MYO5A: variants seen among roughly 807,000 people sequenced by gnomAD.
MYO5A encodes the protein unconventional myosin-Va.
A neutral mutation model predicts 249.7 loss-of-function variants in MYO5A; 98 were observed. The ratio of observed to expected loss-of-function variants is 0.39; its 90% CI spans 0.33 to 0.46. The LOEUF is 0.46. Among genes scored for constraint, MYO5A ranks in the 20% least tolerant of loss-of-function variants. The pLI, the probability that MYO5A is intolerant of heterozygous loss-of-function variation, is 0.98. For synonymous variants in MYO5A, 778 were observed against 810.6 expected (o/e 0.96, Z 0.68); for missense variants, 1,696 against 2,308.8 (o/e 0.73, Z 5.44).
In MYO5A at chr15:52,394,915, C is replaced by T. The variant is rs1007740495; in HGVS notation, c.1401+1401G>A. Among the ~76,000 whole-genome samples, 4 of 152,298 alleles carry T rather than the reference C, an allele frequency of 2.6e-5. No individual in the cohort carries two copies. The East Asian group carries it at 7.7e-4, about 29-fold the overall frequency. On this transcript the variant is annotated intron_variant, in intron 11 of 41. Transcript: ENST00000399233. ...AGATGCAAATCATATTAGTAGTCATCTTATTATGGAAATAGTCATAAGCCT... is the reference window on the plus strand; with the variant it reads ...AGATGCAAATCATATTAGTAGTCATTTTATTATGGAAATAGTCATAAGCCT...
intron 40 of MYO5A, among the ~76,000 whole-genome samples, chr15:52,316,099 T>C (rs541237631): frequency 6.6e-6 from 1 of 150,604 alleles, no homozygotes; most frequent in Non-Finnish European, 1.5e-5. Flanking sequence ...CCAGGCGTGG[T>C]GGCAGGTGCC....
intron 1 of MYO5A, among the ~76,000 whole-genome samples, chr15:52,458,089 C>T (rs1442306162): frequency 6.6e-6 from 1 of 152,114 alleles, no homozygotes; most frequent in Non-Finnish European, 1.5e-5. Context: ...ATTATAATTA[C>T]TAGAGGCTAG....
intron 1 of MYO5A, among the ~76,000 whole-genome samples, chr15:52,500,779 A>T (rs1188168650): frequency 6.6e-6 from 1 of 152,098 alleles, no homozygotes; most frequent in East Asian, 1.9e-4. Flanking sequence ...TCATTCAGGT[A>T]GCTTTCTCCT....
intron 21 of MYO5A, among the ~76,000 whole-genome samples, chr15:52,371,461 T>G (rs1043763015): frequency 6.6e-6 from 1 of 152,222 alleles, no homozygotes; most frequent in African/African-American, 2.4e-5. Context: ...TGAAAATAAA[T>G]GATAATTTTG....
intron 30 of MYO5A, among the ~76,000 whole-genome samples, chr15:52,343,605 T>C (rs905600207): frequency 1.1e-4 from 16 of 152,218 alleles, no homozygotes; most frequent in Non-Finnish European, 2.4e-4. Flanking sequence ...CTTCATAATA[T>C]TTTTCAAGAT....
intron 9 of MYO5A, among the ~76,000 whole-genome samples, chr15:52,401,724 T>C (rs910277127): frequency 1.3e-5 from 2 of 152,212 alleles, no homozygotes; most frequent in Non-Finnish European, 2.9e-5. Context: ...TTAGTAATGA[T>C]CTCTTGGTAT....
chr15:52,330,371 C>G lies in MYO5A; in HGVS notation c.4537G>C (p.Val1513Leu), dbSNP rs375781668. 2 of 1,614,094 alleles carry G rather than the reference C, an allele frequency of 1.2e-6. No individual in the cohort carries two copies. The highest frequency in any genetic ancestry group is 2.2e-5 in the East Asian group (1 of 44,878). The change falls in exon 35 of 42, where the codon GTT becomes CTT. Residue 1513 changes from valine (V) to leucine (L), a missense_variant. Physicochemically the swap from Val to Leu is conservative, Grantham distance 32. Around this residue, in one of 5 missense-constraint regions of MYO5A, gnomAD observed 625 missense variants for 908.1 expected, o/e 0.69. Coordinates refer to ENST00000399233, the MANE Select transcript of MYO5A (RefSeq NM_001382347.1). ...TACTTGCCCAGAATCAGGTTCTTAA[C>G]AAGTTTTTGCTCATCCTCCTTCTTG... ...EYKKEDEQKL[V>L]KNLILELKPR... is the part of the protein sequence containing the mutation.
chr15:52,460,019 C>G (rs993478321), intron 1 of MYO5A, among the ~76,000 whole-genome samples: 5 of 151,156 alleles, frequency 3.3e-5, no homozygotes, highest in African/African-American at 4.9e-5. Flanking sequence ...GGGTCGCGGC[C>G]GGGCAGAGGC....
chr15:52,460,052 C>T (rs1482606569), intron 1 of MYO5A, among the ~76,000 whole-genome samples: 4 of 148,760 alleles, frequency 2.7e-5, no homozygotes, highest in East Asian at 4.0e-4. Context: ...TCAGACGGGG[C>T]GGCGGGGCAG....
At chr15:52,349,942 G>GATTATGATT (rs2039856080) in intron 28 of MYO5A, among the ~76,000 whole-genome samples, 1 of 152,044 alleles carries the variant, frequency 6.6e-6, no homozygotes, top group African/African-American at 2.4e-5. Flanking sequence ...TTATGATTAT[G>GATTATGATT]ATTAGTTTGA....
chr15:52,374,444 C>G (rs907621876), intron 20 of MYO5A, among the ~76,000 whole-genome samples: 5 of 152,178 alleles, frequency 3.3e-5, no homozygotes, highest in Non-Finnish European at 7.3e-5. Flanking sequence ...AGGTGCTAAT[C>G]CCTGGAACCT....
chr15:52,490,424 C>T (rs1007434501), intron 1 of MYO5A, among the ~76,000 whole-genome samples: 3 of 152,108 alleles, frequency 2.0e-5, no homozygotes, highest in Non-Finnish European at 4.4e-5. Flanking sequence ...GAAGGAAATT[C>T]TGAAAGATGT....
intron 34 of MYO5A, among the ~76,000 whole-genome samples, chr15:52,332,772 T>C (rs544788363): frequency 6.6e-6 from 1 of 152,304 alleles, no homozygotes; most frequent in South Asian, 2.1e-4. Context: ...AAGACCACCC[T>C]GACCAACATG....
intron 1 of MYO5A, among the ~76,000 whole-genome samples, chr15:52,514,479 T>A (rs1316254220): frequency 2.0e-5 from 3 of 152,162 alleles, no homozygotes; most frequent in African/African-American, 7.2e-5. Flanking sequence ...CCGGAAGAAC[T>A]AATTCATGAA....
chr15:52,397,854 T>G (rs1336657090), intron 9 of MYO5A, among the ~76,000 whole-genome samples: 1 of 152,150 alleles, frequency 6.6e-6, no homozygotes, highest in Non-Finnish European at 1.5e-5. Flanking sequence ...TTATAGTCAC[T>G]TGGGGAAATG....
rs182472450 is a variant in MYO5A, at chr15:52,475,260, T to C, written c.28-41975A>G. On this transcript the variant is annotated intron_variant, in intron 1 of 41. Coordinates refer to ENST00000399233, the MANE Select transcript of MYO5A (RefSeq NM_001382347.1). ...CCCCTTTATCATTTTTTATTGCATC[T>C]ATTTGATTCTTCTCTCTTTTCTTCT... 9.2e-4 allele frequency among the ~76,000 whole-genome samples: 140 copies of C among 152,332 alleles called. 1 individual carries two copies. The highest frequency in any genetic ancestry group is 3.2e-3 in the African/African-American group (132 of 41,576).
At chr15:52,387,941 C>G in intron 13 of MYO5A, 29 bp from the exon 14 acceptor site, 1 of 1,479,272 alleles carries the variant, frequency 6.8e-7, no homozygotes, top group Non-Finnish European at 9.4e-7. Context: ...ATCTCCTTAA[C>G]TGATAAAACT....
At chr15:52,407,520 C>T in intron 7 of MYO5A, 121 bp from the exon 8 acceptor site, 1 of 525,266 alleles carries the variant, frequency 1.9e-6, no homozygotes, top group Non-Finnish European at 3.4e-6. Flanking sequence ...TAGAGTTTGA[C>T]TGCCTGTGTT....
At chr15:52,379,012 C>T (rs1435337000) in intron 18 of MYO5A, among the ~76,000 whole-genome samples, 1 of 152,188 alleles carries the variant, frequency 6.6e-6, no homozygotes, top group African/African-American at 2.4e-5. Context: ...GTCCCATACA[C>T]AAATCTCACA....
Sources: gnomAD v4.1 joint callset for allele counts (sites outside exome capture counted in the v4.1 genomes callset) on GRCh38, gnomAD v4.1.1 for gene constraint, gnomAD v4.1.1 regional missense constraint, MANE v1.5 for transcripts, NCBI Gene and HGNC (gene_info 2026-07-23, HGNC 2026-07-21) for gene names.